ARL17B: variants seen among roughly 807,000 people sequenced by gnomAD.
The protein encoded by ARL17B is ADP-ribosylation factor-like protein 17.
rs1243293955 is a variant in ARL17B at position 46,323,955 on chromosome 17, A to T, written c.260-24290T>A. ...AGTATACCTGAGGCTGTATACAAAC[A>T]TTATGTCATTTCATAAAAAAGACCT... On this transcript the variant is annotated intron_variant, in intron 3 of 4. Transcript: ENST00000434041. 3.9e-5 allele frequency among the ~76,000 whole-genome samples: 4 copies of T among 101,592 alleles called. 2 individuals carry two copies. The highest frequency in any genetic ancestry group is 1.0e-3 in the South Asian group (2 of 2,000). 66.6% of individuals were successfully genotyped at this position (101,592 alleles called of 152,430 possible).
At chr17:46,285,170 C>G in intron 4 of ARL17B, among the ~76,000 whole-genome samples, 1 of 152,084 alleles carries the variant, frequency 6.6e-6, no homozygotes, top group Non-Finnish European at 1.5e-5. Flanking sequence ...CACTGGCCTT[C>G]TGTGTCTTCA....
Position 46,322,453 on chromosome 17 carries a change from CA to C in ARL17B, c.260-22789del. On this transcript the variant is annotated intron_variant, in intron 3 of 4. Coordinates refer to the ARL17B transcript ENST00000434041. Reference sequence around the variant, plus strand: ...GATTTATGCTTTTTAAATTTTTCATCAAAGCTTAAGTATTTTGCATTTAGGC... The same window carrying C: ...GATTTATGCTTTTTAAATTTTTCATCAAGCTTAAGTATTTTGCATTTAGGC... 4 of 563,902 alleles carry C rather than the reference CA, an allele frequency of 7.1e-6. 1 individual carries two copies. In the East Asian group the frequency reaches 1.2e-4, roughly 17 times the overall value. The allele number at this position is 563,902 out of a possible 1,614,324, so 34.9% of individuals were successfully genotyped here. A position where few individuals can be genotyped will look rare whatever the true frequency, so the allele number is the denominator to read the frequency against.
intron 4 of ARL17B, chr17:46,275,445 T>C (rs550312105): frequency 8.1e-4 from 694 of 859,812 alleles, no homozygotes; most frequent in Non-Finnish European, 1.1e-3. Flanking sequence ...AAGGGAACAA[T>C]TGAGCACCTT....
At chr17:46,279,900 C>T (rs1341379041) in intron 4 of ARL17B, among the ~76,000 whole-genome samples, 7 of 152,124 alleles carry the variant, frequency 4.6e-5, no homozygotes, top group African/African-American at 1.7e-4. Context: ...GTTTTTCTGT[C>T]TTAAACAAAT....
At chr17:46,325,024 T>C (rs539647121) in intron 3 of ARL17B, among the ~76,000 whole-genome samples, 1 of 76,306 alleles carries the variant, frequency 1.3e-5, no homozygotes, top group South Asian at 5.6e-4. Context: ...AAGATTAGCA[T>C]GGAAAGGGCC....
rs1277539568 is a variant in ARL17B, at chr17:46,340,907, CT to C, written c.260-1134del. 2.5e-3 allele frequency among the ~76,000 whole-genome samples: 188 copies of C among 75,880 alleles called. 2 individuals are homozygous for C. The highest frequency in any genetic ancestry group is 0.026 in the Middle Eastern group (2 of 76). The allele number at this position is 75,880 out of a possible 152,430, so 49.8% of individuals were successfully genotyped here. A position where few individuals can be genotyped will look rare whatever the true frequency, so the allele number is the denominator to read the frequency against. Reference sequence around the variant, plus strand: ...CCTAGAAAAAGGGACCTCTTTTATTCTTTTTTTTTTTTTTTCCAGAGACGGG... The same window carrying C: ...CCTAGAAAAAGGGACCTCTTTTATTCTTTTTTTTTTTTTTCCAGAGACGGG... On this transcript the variant is annotated intron_variant, in intron 3 of 3. Coordinates refer to ENST00000450673, the MANE Select transcript of ARL17B (RefSeq NM_001039083.5).
chr17:46,278,783 C>T (rs1182636433), intron 4 of ARL17B, among the ~76,000 whole-genome samples: 1 of 150,430 alleles, frequency 6.6e-6, no homozygotes, highest in Non-Finnish European at 1.5e-5. Context: ...AAGTTGAAAA[C>T]CAATGTCATT....
At chr17:46,285,335 T>C (rs1036255806) in intron 4 of ARL17B, among the ~76,000 whole-genome samples, 3 of 151,668 alleles carry the variant, frequency 2.0e-5, no homozygotes, top group Non-Finnish European at 4.4e-5. Flanking sequence ...CTGCTTCCTG[T>C]GTTCAAGCGA....
chr17:46,276,964 C>T (rs2049607378), intron 4 of ARL17B, among the ~76,000 whole-genome samples: 1 of 149,134 alleles, frequency 6.7e-6, no homozygotes, highest in Admixed American at 6.8e-5. Flanking sequence ...CCACCATGCT[C>T]AGCTAATTTT....
In ARL17B at chr17:46,293,874, C is replaced by G. The variant is rs1245015255; in HGVS notation, c.*21+5652G>C. On this transcript the variant is annotated intron_variant, in intron 4 of 4. Transcript: ENST00000570618. ...CCCTAAATGAGGTGAATCTTGGACT[C>G]TCTTCCATTTTATTTTATTTTATTT... 7.8e-6 allele frequency: 2 copies of G among 255,468 alleles called. 1 individual carries two copies. The highest frequency in any genetic ancestry group is 1.2e-5 in the Non-Finnish European group (2 of 173,618). The allele number at this position is 255,468 out of a possible 1,614,324, so 15.8% of individuals were successfully genotyped here. A position where few individuals can be genotyped will look rare whatever the true frequency, so the allele number is the denominator to read the frequency against.
At chr17:46,282,417 GT>G (rs34484022) in intron 4 of ARL17B, among the ~76,000 whole-genome samples, 33 of 144,410 alleles carry the variant, frequency 2.3e-4, no homozygotes, top group South Asian at 4.3e-4. Context: ...TTTTTTGTTT[GT>G]TTTTTTTTTT....
chr17:46,290,622 T>G (rs1204143992), intron 4 of ARL17B, among the ~76,000 whole-genome samples: 1 of 151,614 alleles, frequency 6.6e-6, no homozygotes, highest in Non-Finnish European at 1.5e-5. Flanking sequence ...AATTTTTGCA[T>G]TTTTAGTACA....
At chr17:46,284,697 G>T (rs1016400479) in intron 4 of ARL17B, among the ~76,000 whole-genome samples, 3 of 152,222 alleles carry the variant, frequency 2.0e-5, no homozygotes, top group Admixed American at 2.0e-4. Context: ...AGGTGGGATG[G>T]GTTCAAAGTG....
At chr17:46,317,151 C>T (rs1320574118) in intron 3 of ARL17B, among the ~76,000 whole-genome samples, 5 of 89,400 alleles carry the variant, frequency 5.6e-5, no homozygotes, top group Non-Finnish European at 1.6e-4. Flanking sequence ...GGGGTGGCGG[C>T]CGGGCAGAGG....
intron 3 of ARL17B, among the ~76,000 whole-genome samples, chr17:46,327,535 A>C (rs1355714148): frequency 6.2e-5 from 1 of 16,130 alleles, no homozygotes; most frequent in African/African-American, 1.1e-4. Context: ...TTGAGGCTGC[A>C]TTGAGGTATA....
intron 3 of ARL17B, among the ~76,000 whole-genome samples, chr17:46,317,172 A>T (rs1458428025): frequency 7.7e-4 from 65 of 84,388 alleles, no homozygotes; most frequent in Middle Eastern, 6.0e-3. Context: ...CGCTCCTCAC[A>T]TCCCAGACGG....
intron 4 of ARL17B, among the ~76,000 whole-genome samples, chr17:46,279,340 T>G (rs1288927952): frequency 6.6e-6 from 1 of 151,810 alleles, no homozygotes; most frequent in Non-Finnish European, 1.5e-5. Context: ...CCTACCACAA[T>G]GCCTGGCTAA....
intron 4 of ARL17B, among the ~76,000 whole-genome samples, chr17:46,291,985 A>AAAAAAAAAAAAAAAAAAAAAAAAAAAC (rs1360524355): frequency 3.9e-5 from 3 of 76,664 alleles, no homozygotes; most frequent in Non-Finnish European, 5.5e-5. Context: ...AAAAAAAAAA[A>AAAAAAAAAAAAAAAAAAAAAAAAAAAC]AAGCCAATAA....
intron 4 of ARL17B, among the ~76,000 whole-genome samples, chr17:46,280,026 C>CA (rs1268436205): frequency 6.6e-5 from 10 of 151,024 alleles, no homozygotes; most frequent in Non-Finnish European, 4.5e-5. Flanking sequence ...CACCTTGAGT[C>CA]AGAGTAATTC....
Sources: gnomAD v4.1 joint callset for allele counts (sites outside exome capture counted in the v4.1 genomes callset) on GRCh38, gnomAD v4.1.1 for gene constraint, MANE v1.5 for transcripts, NCBI Gene and HGNC (gene_info 2026-07-23, HGNC 2026-07-21) for gene names.